MARK1: variants seen among roughly 807,000 people sequenced by gnomAD.
MARK1 encodes serine/threonine-protein kinase MARK1.
In MARK1, 40 loss-of-function variants were observed where a neutral mutation model predicts 96.3. That is an observed-to-expected ratio of 0.42 (90% CI 0.32 to 0.54). The LOEUF is 0.54. Ranked by LOEUF, MARK1 falls within the 20% of genes least tolerant of loss-of-function variation. MARK1 has a pLI of 0.16. For synonymous variants in MARK1, 317 were observed against 341.2 expected, an observed-to-expected ratio of 0.93 and a Z score of 0.78; for missense variants, 719 against 984.6, an observed-to-expected ratio of 0.73 and a Z score of 3.61.
intron 13 of MARK1, among the ~76,000 whole-genome samples, chr1:220,637,986 T>C (rs1361714678): frequency 6.6e-6 from 1 of 152,220 alleles, no homozygotes; most frequent in African/African-American, 2.4e-5. Context: ...AATATGTATG[T>C]ATGATATGAT....
chr1:220,580,843 C>T (rs550701933), intron 2 of MARK1, among the ~76,000 whole-genome samples: 6 of 152,262 alleles, frequency 3.9e-5, no homozygotes, highest in African/African-American at 1.4e-4. Flanking sequence ...AATAACAAAG[C>T]TTTCATTTCA....
At chr1:220,587,442 C>A (rs1172645457) in intron 3 of MARK1, among the ~76,000 whole-genome samples, 1 of 151,998 alleles carries the variant, frequency 6.6e-6, no homozygotes, top group Non-Finnish European at 1.5e-5. Context: ...GATCTCTGCT[C>A]ACTGCAACCT....
chr1:220,549,700 T>C (rs1661732638), intron 1 of MARK1, among the ~76,000 whole-genome samples: 1 of 152,154 alleles, frequency 6.6e-6, no homozygotes, highest in African/African-American at 2.4e-5. Context: ...TCAGTGGGAA[T>C]GGACGTATTT....
intron 17 of MARK1, 49 bp from the exon 18 acceptor site, chr1:220,661,763 C>G: frequency 7.3e-7 from 1 of 1,361,578 alleles, no homozygotes; most frequent in Non-Finnish European, 1.0e-6. Flanking sequence ...GATCTCTTTG[C>G]TGAGTGAAAT....
chr1:220,555,938 A>G (rs1662214088), intron 1 of MARK1, among the ~76,000 whole-genome samples: 3 of 152,248 alleles, frequency 2.0e-5, no homozygotes, highest in South Asian at 2.1e-4. Context: ...GCTAATATGT[A>G]GATAGACTTA....
intron 1 of MARK1, among the ~76,000 whole-genome samples, chr1:220,572,710 A>G (rs1346648385): frequency 6.6e-6 from 1 of 152,220 alleles, no homozygotes; most frequent in Non-Finnish European, 1.5e-5. Flanking sequence ...GAAGAGATGG[A>G]AAAATGTGTA....
intron 1 of MARK1, 79 bp downstream of exon 1, chr1:220,528,952 T>A (rs1572025085): frequency 1.4e-6 from 2 of 1,416,248 alleles, no homozygotes; most frequent in East Asian, 5.7e-5. Flanking sequence ...GCTTGGGCCG[T>A]CCCCCGTGCC....
intron 1 of MARK1, among the ~76,000 whole-genome samples, chr1:220,546,863 T>G (rs541685028): frequency 1.3e-5 from 2 of 151,832 alleles, no homozygotes; most frequent in African/African-American, 2.4e-5. Context: ...TCCCAGCTAC[T>G]CGGGAGGCTG....
intron 3 of MARK1, among the ~76,000 whole-genome samples, chr1:220,585,997 A>ACGCG (rs1287584165): frequency 3.3e-4 from 9 of 27,000 alleles, no homozygotes; most frequent in African/African-American, 4.8e-4. Context: ...ACACACACAC[A>ACGCG]CACACACACA....
intron 13 of MARK1, among the ~76,000 whole-genome samples, chr1:220,643,968 T>C (rs896557887): frequency 3.3e-5 from 5 of 152,056 alleles, no homozygotes; most frequent in South Asian, 4.2e-4. Context: ...AAAAACACAC[T>C]GAAGTACACA....
At chr1:220,632,487 A>C (rs1350098978) in intron 11 of MARK1, among the ~76,000 whole-genome samples, 174 bp downstream of exon 11, 1 of 152,184 alleles carries the variant, frequency 6.6e-6, no homozygotes, top group Non-Finnish European at 1.5e-5. Flanking sequence ...CTGGGTACCA[A>C]GAGAGATTTT....
Position 220,661,868 on chromosome 1 carries a change from C to T in MARK1, c.2090C>T (p.Pro697Leu), listed in dbSNP as rs1379428245. ...RDKEEGKDSK[P>L]RSLRFTWSMK... ...AAGGAAGAGGGTAAAGATTCTAAGC[C>T]GCGTTCTTTGCGGTTCACATGGAGT... Residue 697 changes from proline (P) to leucine (L), a missense_variant, in exon 18 of 18, where the codon CCG (proline) becomes CTG (leucine). Pro to Leu is a moderately conservative substitution (Grantham distance 98). This residue lies in a region of MARK1 where 501 missense variants were observed against 588.3 expected (regional missense o/e 0.85). Coordinates refer to ENST00000366917, the MANE Select transcript of MARK1 (RefSeq NM_018650.5). 12 of 1,613,932 alleles carry T rather than the reference C, an allele frequency of 7.4e-6. No homozygotes were observed. Among genetic ancestry groups the T allele is most frequent in the South Asian group, 1.1e-5 (1 of 91,070 alleles).
intron 17 of MARK1, among the ~76,000 whole-genome samples, chr1:220,658,541 A>C (rs1165126394): frequency 6.6e-6 from 1 of 152,190 alleles, no homozygotes; most frequent in East Asian, 1.9e-4. Context: ...CATATTTTAC[A>C]AACGGGAAAT....
At chr1:220,573,110 T>G (rs1363220047) in intron 1 of MARK1, among the ~76,000 whole-genome samples, 1 of 152,190 alleles carries the variant, frequency 6.6e-6, no homozygotes, top group Non-Finnish European at 1.5e-5. Flanking sequence ...ACAGTGATCT[T>G]CTACACTGGG....
At chr1:220,646,957 GA>G (rs1329418094) in intron 13 of MARK1, among the ~76,000 whole-genome samples, 1 of 152,146 alleles carries the variant, frequency 6.6e-6, no homozygotes, top group African/African-American at 2.4e-5. Context: ...ATCCCTAGAA[GA>G]AAATCTAGGC....
intron 1 of MARK1, among the ~76,000 whole-genome samples, chr1:220,537,604 TA>T (rs1660802449): frequency 7.1e-6 from 1 of 141,636 alleles, no homozygotes; most frequent in Non-Finnish European, 1.6e-5. Context: ...ATATACCCAG[TA>T]ATGGGATGGC....
At chr1:220,548,031 C>G (rs1661618236) in intron 1 of MARK1, among the ~76,000 whole-genome samples, 1 of 152,260 alleles carries the variant, frequency 6.6e-6, no homozygotes, top group Non-Finnish European at 1.5e-5. Context: ...CAACAAAATA[C>G]ATTCCTCTTC....
intron 1 of MARK1, among the ~76,000 whole-genome samples, chr1:220,559,708 G>A (rs1479841461): frequency 6.6e-6 from 1 of 152,198 alleles, no homozygotes; most frequent in African/African-American, 2.4e-5. Flanking sequence ...TTTCACATAG[G>A]CAGAGAATAT....
chr1:220,550,703 TA>T (rs1661799922), intron 1 of MARK1, among the ~76,000 whole-genome samples: 1 of 152,250 alleles, frequency 6.6e-6, no homozygotes, highest in Non-Finnish European at 1.5e-5. Flanking sequence ...TCATCTTTCT[TA>T]AAGTAATGCT....
Sources: gnomAD v4.1 joint callset for allele counts (sites outside exome capture counted in the v4.1 genomes callset) on GRCh38, gnomAD v4.1.1 for gene constraint, gnomAD v4.1.1 regional missense constraint, MANE v1.5 for transcripts, NCBI Gene and HGNC (gene_info 2026-07-23, HGNC 2026-07-21) for gene names.